Variants in RALGAPB observed in about 807,000 individuals in gnomAD.
The protein encoded by RALGAPB is Ral GTPase activating protein non-catalytic subunit beta.
A neutral mutation model predicts 161.1 loss-of-function variants in RALGAPB; 25 were observed. The ratio of observed to expected loss-of-function variants is 0.16; its 90% confidence interval spans 0.11 to 0.22. The LOEUF (loss-of-function observed/expected upper bound fraction) is 0.22, where lower values mean the gene tolerates loss of function less well. Ranked by LOEUF, RALGAPB falls within the 10% of genes least tolerant of loss-of-function variation. The pLI, the probability that RALGAPB is intolerant of heterozygous loss-of-function variation, is 1.00. For synonymous variants in RALGAPB, 629 were observed against 626.1 expected, an observed-to-expected ratio of 1.00 and a Z score of -0.07; for missense variants, 1,391 against 1,815.2, an observed-to-expected ratio of 0.77 and a Z score of 4.25.
At chr20:38,568,164 T>C (rs1420375211) in intron 26 of RALGAPB, among the ~76,000 whole-genome samples, 1 of 152,130 alleles carries the variant, frequency 6.6e-6, no homozygotes, top group Non-Finnish European at 1.5e-5. Context: ...AATGCCAGCA[T>C]AGTTATTCCT....
intron 6 of RALGAPB, among the ~76,000 whole-genome samples, chr20:38,515,791 G>A (rs2086107308): frequency 6.6e-6 from 1 of 151,728 alleles, no homozygotes; most frequent in East Asian, 1.9e-4. Context: ...GAATGCATTG[G>A]CATGATCATA....
intron 2 of RALGAPB, among the ~76,000 whole-genome samples, chr20:38,492,424 A>AT (rs1420523932): frequency 6.6e-6 from 1 of 151,822 alleles, no homozygotes; most frequent in African/African-American, 2.4e-5. Context: ...AAGTATTATT[A>AT]TTATTTTTTT....
intron 15 of RALGAPB, among the ~76,000 whole-genome samples, chr20:38,533,737 G>A (rs1163931516): frequency 6.6e-6 from 1 of 152,140 alleles, no homozygotes; most frequent in Non-Finnish European, 1.5e-5. Context: ...TATTATATTC[G>A]TGAAGAAGTT....
chr20:38,518,983 T>A (rs1033984286), intron 9 of RALGAPB, among the ~76,000 whole-genome samples: 2 of 152,228 alleles, frequency 1.3e-5, no homozygotes, highest in African/African-American at 4.8e-5. Flanking sequence ...AATTCTTAGC[T>A]ATTATTATTA....
At chr20:38,502,454 CTGT>C (rs1200965044) in intron 5 of RALGAPB, among the ~76,000 whole-genome samples, 1 of 152,210 alleles carries the variant, frequency 6.6e-6, no homozygotes, top group Admixed American at 6.5e-5. Flanking sequence ...TTGATACGTT[CTGT>C]TGTTTGAGGT....
At chr20:38,536,657 G>A (rs906413311) in intron 16 of RALGAPB, among the ~76,000 whole-genome samples, 6 of 152,058 alleles carry the variant, frequency 3.9e-5, no homozygotes, top group African/African-American at 1.4e-4. Context: ...AGATGAGCAG[G>A]ATTATCTTAC....
At position 38,511,075 on chromosome 20, in the gene RALGAPB, T is replaced by G. The variant is rs572767444; in HGVS notation, c.872+1867T>G. Among the ~76,000 whole-genome samples, 125 of 152,222 alleles carry G rather than the reference T, an allele frequency of 8.2e-4. 1 individual carries two copies. Among genetic ancestry groups the G allele is most frequent in the African/African-American group, 2.9e-3 (119 of 41,512 alleles). ...AGGATTCTCGTATCTGGCTAGCAGA[T>G]GGGGAACAGAGAGCAAGGAAAATTT... On this transcript the variant is annotated intron_variant, in intron 6 of 29. Transcript: ENST00000262879.
chr20:38,496,507 A>G (rs2085431858), intron 3 of RALGAPB, among the ~76,000 whole-genome samples: 1 of 152,174 alleles, frequency 6.6e-6, no homozygotes, highest in South Asian at 2.1e-4. Flanking sequence ...CCAGCTTACC[A>G]CTTGCTAATA....
chr20:38,516,318 A>C lies in RALGAPB; in HGVS notation c.999A>C (p.Gln333His). Reference sequence around the variant, plus strand: ...ATCCCTGCCTTAAACATCTGCCTCAAATATTTTTTCGTGCCATGCGTGGAA... The same window carrying C: ...ATCCCTGCCTTAAACATCTGCCTCACATATTTTTTCGTGCCATGCGTGGAA... ...NQYPCLKHLP[Q>H]IFFRAMRGIS... is the part of the protein sequence containing the mutation. Residue 333 changes from glutamine to histidine, a missense_variant, in exon 7 of 30, where the codon CAA becomes CAC. Transcript: ENST00000262879. The C allele has an allele frequency of 6.2e-7, 1 of 1,614,100 alleles. No homozygotes were observed. The highest frequency in any genetic ancestry group is 8.5e-7 in the Non-Finnish European group (1 of 1,179,998).
In RALGAPB at chr20:38,557,242, A is replaced by G. The variant is rs764238119; in HGVS notation, c.3373-1053A>G. 3.9e-5 allele frequency among the ~76,000 whole-genome samples: 6 copies of G among 152,338 alleles called. No homozygotes were observed. The South Asian group carries it at 1.2e-3, about 32-fold the overall frequency. ...AGAGAAGATTTAGGTTTTCAGAACA[A>G]TTGAGCAGAAAGGGTAGAAAGCTGT... On this transcript the variant is annotated intron_variant, in intron 22 of 29. Coordinates refer to ENST00000262879, the MANE Select transcript of RALGAPB (RefSeq NM_020336.4).
At chr20:38,550,245 TTAAC>T (rs1274447931) in intron 20 of RALGAPB, among the ~76,000 whole-genome samples, 6 of 152,132 alleles carry the variant, frequency 3.9e-5, no homozygotes, top group Admixed American at 2.6e-4. Context: ...GTATACATAT[TTAAC>T]TAACCTGCAC....
chr20:38,474,185 C>T (rs2084735303), intron 1 of RALGAPB, among the ~76,000 whole-genome samples: 1 of 152,170 alleles, frequency 6.6e-6, no homozygotes, highest in South Asian at 2.1e-4. Context: ...GTCGTTTTTA[C>T]ATATGCTGGA....
At chr20:38,561,052 T>C (rs958892357) in intron 23 of RALGAPB, among the ~76,000 whole-genome samples, 5 of 152,116 alleles carry the variant, frequency 3.3e-5, no homozygotes, top group African/African-American at 1.2e-4. Context: ...TTAGGCCGGG[T>C]GTGGTGGCTC....
intron 16 of RALGAPB, among the ~76,000 whole-genome samples, chr20:38,536,389 G>A (rs1026562371): frequency 2.6e-5 from 4 of 152,192 alleles, no homozygotes; most frequent in African/African-American, 9.7e-5. Flanking sequence ...GGACATTTGG[G>A]TTGTTTTAAT....
At chr20:38,506,695 A>G (rs1465340023) in intron 5 of RALGAPB, among the ~76,000 whole-genome samples, 11 of 152,180 alleles carry the variant, frequency 7.2e-5, no homozygotes, top group Non-Finnish European at 1.5e-5. Flanking sequence ...GTTAATTACT[A>G]TATTCCTCTG....
At chr20:38,559,499 A>AGT (rs1184479139) in intron 23 of RALGAPB, among the ~76,000 whole-genome samples, 3 of 152,216 alleles carry the variant, frequency 2.0e-5, no homozygotes, top group African/African-American at 7.2e-5. Context: ...GTTCAAGACA[A>AGT]GCCTGGCCAA....
rs1777819335 is a variant in RALGAPB at position 38,499,606 on chromosome 20, G to A, written c.713G>A (p.Ser238Asn). ...RHHPAVVEQW[S>N]KVICALTSRL... Reference sequence around the variant, plus strand: ...CACCCAGCAGTGGTGGAGCAGTGGAGCAAGGTCATTTGTGCACTCACTTCC... The same window carrying A: ...CACCCAGCAGTGGTGGAGCAGTGGAACAAGGTCATTTGTGCACTCACTTCC... Residue 238 changes from serine to asparagine, a missense_variant, in exon 5 of 30, where the codon AGC becomes AAC. Around this residue, in one of 3 missense-constraint regions of RALGAPB, gnomAD observed 946 missense variants for 1,257.2 expected, o/e 0.75. Transcript: ENST00000262879. 12 of 1,613,268 alleles carry A rather than the reference G, an allele frequency of 7.4e-6. No homozygotes were observed. The highest frequency in any genetic ancestry group is 1.0e-5 in the Non-Finnish European group (12 of 1,179,662).
intron 19 of RALGAPB, chr20:38,548,045 A>T (rs1024246241): frequency 1.3e-5 from 2 of 152,240 alleles, no homozygotes; most frequent in African/African-American, 2.4e-5. Context: ...AGTTTATTGT[A>T]ATAATAAGAA....
At chr20:38,574,631 T>C in intron 29 of RALGAPB, 143 bp from the exon 30 acceptor site, 2 of 798,404 alleles carry the variant, frequency 2.5e-6, no homozygotes, top group Non-Finnish European at 4.0e-6. Flanking sequence ...CTTAGCACTA[T>C]GTCTATCTCT....
Sources: allele counts gnomAD v4.1 joint callset (sites outside exome capture counted in the v4.1 genomes callset), GRCh38; gene constraint gnomAD v4.1.1; regional missense constraint gnomAD v4.1.1; transcripts MANE v1.5; gene names NCBI Gene and HGNC (gene_info 2026-07-23, HGNC 2026-07-21).